Variants in ZSWIM6 observed in about 807,000 individuals in gnomAD.
The protein encoded by ZSWIM6 is zinc finger SWIM domain-containing protein 6.
ZSWIM6 carries 9 observed loss-of-function variants against 113.2 expected under a neutral mutation model. The observed-to-expected ratio is 0.08, with a 90% CI of 0.05 to 0.14. The LOEUF is 0.14. Ranked by LOEUF, ZSWIM6 falls within the 10% of genes least tolerant of loss-of-function variation. The probability of loss-of-function intolerance (pLI) is 1.00; values close to 1 mark genes in which losing one functional copy is unlikely to be tolerated. For synonymous variants in ZSWIM6, 611 were observed against 606.5 expected, an observed-to-expected ratio of 1.01 and a Z score of -0.11; for missense variants, 1,162 against 1,552.2, an observed-to-expected ratio of 0.75 and a Z score of 4.22.
At chr5:61,466,156 G>A (rs1239100578) in intron 1 of ZSWIM6, among the ~76,000 whole-genome samples, 1 of 152,160 alleles carries the variant, frequency 6.6e-6, no homozygotes, top group African/African-American at 2.4e-5. Flanking sequence ...TTATTGTAGT[G>A]TGGGGTGTTA....
chr5:61,344,970 A>G (rs1328681796), intron 1 of ZSWIM6, among the ~76,000 whole-genome samples: 3 of 152,218 alleles, frequency 2.0e-5, no homozygotes, highest in Non-Finnish European at 4.4e-5. Flanking sequence ...TGGAATATGT[A>G]ATGTATAGTT....
chr5:61,333,091 C>T (rs2112014632), intron 1 of ZSWIM6, 143 bp downstream of exon 1: 3 of 939,162 alleles, frequency 3.2e-6, no homozygotes, highest in Non-Finnish European at 3.9e-6. Flanking sequence ...CCGGACGGTC[C>T]TCCTGAGCGG....
chr5:61,425,605 A>G (rs1746448977), intron 1 of ZSWIM6, among the ~76,000 whole-genome samples: 1 of 152,218 alleles, frequency 6.6e-6, no homozygotes, highest in Admixed American at 6.5e-5. Flanking sequence ...TGGGAATTGT[A>G]TAAGGAGCAT....
intron 12 of ZSWIM6, 59 bp downstream of exon 12, chr5:61,539,818 A>G: frequency 6.8e-7 from 1 of 1,477,664 alleles, no homozygotes; most frequent in South Asian, 1.4e-5. Context: ...GGCACCTCTT[A>G]GGGTTGTTTT....
At chr5:61,538,688 C>T (rs1749644776) in intron 10 of ZSWIM6, 126 bp from the exon 11 acceptor site, 16 of 1,036,980 alleles carry the variant, frequency 1.5e-5, no homozygotes, top group Non-Finnish European at 2.1e-5. Flanking sequence ...CTGTACCAGC[C>T]CTTGCTGAAC....
At chr5:61,464,622 T>C (rs889423415) in intron 1 of ZSWIM6, among the ~76,000 whole-genome samples, 3 of 152,004 alleles carry the variant, frequency 2.0e-5, no homozygotes, top group African/African-American at 7.2e-5. Context: ...AGGTGAGAGC[T>C]CCAGAGTGTG....
intron 8 of ZSWIM6, 112 bp downstream of exon 8, chr5:61,530,310 C>T: frequency 8.9e-7 from 1 of 1,123,294 alleles, no homozygotes. Context: ...TTAACAGCAC[C>T]TTTGGTTAGC....
rs1048210795 is a variant in ZSWIM6 at position 61,458,851 on chromosome 5, C to T, written c.677-13830C>T. Among the ~76,000 whole-genome samples, 7 of 150,052 alleles carry T rather than the reference C, an allele frequency of 4.7e-5. 1 individual carries two copies. In the South Asian group the frequency reaches 1.5e-3, roughly 32 times the overall value. ...CGAGATCATGCCACTGCCCTTCAGC[C>T]TGGGCAACAGAGCGAGATTCCTTCT... On this transcript the variant is annotated intron_variant, in intron 1 of 13. Coordinates refer to ENST00000252744, the MANE Select transcript of ZSWIM6 (RefSeq NM_020928.2).
At chr5:61,334,973 G>T (rs1443822387) in intron 1 of ZSWIM6, among the ~76,000 whole-genome samples, 1 of 152,110 alleles carries the variant, frequency 6.6e-6, no homozygotes, top group South Asian at 2.1e-4. Flanking sequence ...AGCGCATAGG[G>T]AGGGTTTCTT....
chr5:61,534,548 A>G (rs1749524378), intron 9 of ZSWIM6, among the ~76,000 whole-genome samples: 1 of 152,162 alleles, frequency 6.6e-6, no homozygotes, highest in Admixed American at 6.6e-5. Flanking sequence ...ATAATTCTAG[A>G]AATCATGAAA....
chr5:61,355,492 A>G (rs971896555), intron 1 of ZSWIM6, among the ~76,000 whole-genome samples: 4 of 130,286 alleles, frequency 3.1e-5, no homozygotes, highest in Admixed American at 7.9e-5. Context: ...ACACACACAC[A>G]CACACTATTA....
chr5:61,384,978 T>G (rs1745563986), intron 1 of ZSWIM6, among the ~76,000 whole-genome samples: 1 of 152,154 alleles, frequency 6.6e-6, no homozygotes, highest in African/African-American at 2.4e-5. Flanking sequence ...GAGAATGGCG[T>G]GAACCCGGGA....
At chr5:61,440,120 T>A in intron 1 of ZSWIM6, among the ~76,000 whole-genome samples, 1 of 151,280 alleles carries the variant, frequency 6.6e-6, no homozygotes, top group Non-Finnish European at 1.5e-5. Flanking sequence ...GTAGGAAAGG[T>A]GAAAAAAAAA....
chr5:61,486,047 G>C (rs1470350257), intron 2 of ZSWIM6, among the ~76,000 whole-genome samples: 1 of 151,894 alleles, frequency 6.6e-6, no homozygotes, highest in African/African-American at 2.4e-5. Flanking sequence ...TGTGTAGTCT[G>C]GGCTATAGGG....
intron 1 of ZSWIM6, among the ~76,000 whole-genome samples, chr5:61,377,394 A>G (rs60529601): frequency 0.22 from 33,511 of 151,890 alleles, 3,948 homozygotes; most frequent in South Asian, 0.31. Flanking sequence ...AAACCCTGAA[A>G]CAATAAAAAA....
chr5:61,461,581 T>C (rs1747324908), intron 1 of ZSWIM6, among the ~76,000 whole-genome samples: 1 of 152,180 alleles, frequency 6.6e-6, no homozygotes, highest in African/African-American at 2.4e-5. Context: ...CCTGTTGCTA[T>C]AGTAGGCTGG....
intron 1 of ZSWIM6, among the ~76,000 whole-genome samples, chr5:61,379,733 G>A (rs1000705402): frequency 2.0e-5 from 3 of 152,180 alleles, no homozygotes; most frequent in East Asian, 1.9e-4. Context: ...AAAGCAGAAC[G>A]AACCTTCCTA....
intron 1 of ZSWIM6, among the ~76,000 whole-genome samples, chr5:61,368,906 T>C (rs752074813): frequency 4.6e-5 from 7 of 152,184 alleles, no homozygotes; most frequent in Non-Finnish European, 8.8e-5. Flanking sequence ...GCTTACCACT[T>C]ACCACACCTA....
intron 1 of ZSWIM6, among the ~76,000 whole-genome samples, chr5:61,376,992 T>C (rs1745385826): frequency 6.6e-6 from 1 of 151,370 alleles, no homozygotes; most frequent in Admixed American, 6.6e-5. Flanking sequence ...TGGTATGCTG[T>C]GTCTTATTGC....
Sources: gnomAD v4.1 joint callset for allele counts (sites outside exome capture counted in the v4.1 genomes callset) on GRCh38, gnomAD v4.1.1 for gene constraint, MANE v1.5 for transcripts, NCBI Gene and HGNC (gene_info 2026-07-23, HGNC 2026-07-21) for gene names.